NKAIN3: variants seen among roughly 807,000 people sequenced by gnomAD.
NKAIN3 encodes sodium/potassium transporting ATPase interacting 3, also known as sodium/potassium-transporting ATPase subunit beta-1-interacting protein 3.
NKAIN3 carries 25 observed loss-of-function variants against 30.2 expected under a neutral mutation model. The observed-to-expected ratio is 0.83, with a 90% CI of 0.60 to 1.16. The LOEUF is 1.16. Ranked by LOEUF, NKAIN3 falls within the 50% of genes most tolerant of loss-of-function variation. The probability of loss-of-function intolerance (pLI) is 0.00; values close to 1 mark genes in which losing one functional copy is unlikely to be tolerated. For missense variants in NKAIN3, 225 were observed against 254.1 expected (o/e 0.89, Z 0.78); for synonymous variants, 91 against 89.6 (o/e 1.02, Z -0.09).
intron 3 of NKAIN3, among the ~76,000 whole-genome samples, chr8:62,671,442 C>T (rs1015203912): frequency 2.0e-5 from 3 of 151,994 alleles, no homozygotes; most frequent in African/African-American, 7.2e-5. Flanking sequence ...CAGAAAGTTG[C>T]TTAAAGTGTT....
chr8:62,762,718 G>T (rs1388827102), intron 4 of NKAIN3, among the ~76,000 whole-genome samples: 2 of 152,010 alleles, frequency 1.3e-5, no homozygotes, highest in African/African-American at 4.8e-5. Context: ...AAGAGGAAGT[G>T]GTATGTTAGG....
intron 1 of NKAIN3, among the ~76,000 whole-genome samples, chr8:62,576,108 A>G (rs1030837154): frequency 2.8e-4 from 42 of 152,204 alleles, no homozygotes; most frequent in African/African-American, 9.6e-4. Flanking sequence ...CCAAAAATTG[A>G]CAAATGGGAT....
rs1817852291 is a variant in NKAIN3 at position 62,796,117 on chromosome 8, C to T, written c.471+48988C>T. The stretch of plus-strand genomic sequence containing the variant: ...GTCAGCAGTAGGCCAGGCAGGGTGG[C>T]TCACACCTGTAATCCCAGCACTTTC... On this transcript the variant is annotated intron_variant, in intron 4 of 6. Transcript: ENST00000623646. Among the ~76,000 whole-genome samples the T allele has an allele frequency of 2.0e-5, 3 of 152,172 alleles. No homozygotes were observed. In the South Asian group the frequency reaches 6.2e-4, roughly 32 times the overall value.
At chr8:62,625,024 C>G (rs906135793) in intron 3 of NKAIN3, among the ~76,000 whole-genome samples, 1 of 152,018 alleles carries the variant, frequency 6.6e-6, no homozygotes, top group African/African-American at 2.4e-5. Context: ...TTCCATTAAG[C>G]CCTTAGCATA....
intron 4 of NKAIN3, among the ~76,000 whole-genome samples, chr8:62,918,077 T>G (rs4535733): frequency 6.6e-6 from 1 of 152,242 alleles, no homozygotes; most frequent in South Asian, 2.1e-4. Context: ...GCTTTTAAAC[T>G]TTAAAATAGT....
At chr8:62,946,952 G>T (rs545229398) in intron 5 of NKAIN3, among the ~76,000 whole-genome samples, 3 of 152,258 alleles carry the variant, frequency 2.0e-5, no homozygotes, top group African/African-American at 7.2e-5. Context: ...TTAATTATTT[G>T]CTGAATATAG....
intron 2 of NKAIN3, among the ~76,000 whole-genome samples, chr8:62,585,415 C>T (rs563160318): frequency 1.3e-5 from 2 of 152,270 alleles, no homozygotes; most frequent in Admixed American, 1.3e-4. Context: ...CTCCTTTACT[C>T]ATGAAAGTAT....
chr8:62,784,279 T>C lies in NKAIN3; in HGVS notation c.471+37150T>C, dbSNP rs116176742. 3.2e-3 allele frequency among the ~76,000 whole-genome samples: 477 copies of C among 151,022 alleles called. 1 individual carries two copies. The highest frequency in any genetic ancestry group is 0.01 in the African/African-American group (422 of 41,134). On this transcript the variant is annotated intron_variant, in intron 4 of 6. Coordinates refer to ENST00000623646, the MANE Select transcript of NKAIN3 (RefSeq NM_001304533.3). Reference sequence around the variant, plus strand: ...GCAGAAGTAAAGAAATAATAAAGAGTAAAGCAAAAACTAATAAAATAAAAA... The same window carrying C: ...GCAGAAGTAAAGAAATAATAAAGAGCAAAGCAAAAACTAATAAAATAAAAA...
At chr8:62,433,942 C>T (rs771498605) in intron 1 of NKAIN3, among the ~76,000 whole-genome samples, 1 of 152,084 alleles carries the variant, frequency 6.6e-6, no homozygotes, top group African/African-American at 2.4e-5. Context: ...TCAGTCCATC[C>T]ATCCACCATA....
At chr8:62,863,068 T>C (rs1820303187) in intron 4 of NKAIN3, 3 of 1,004,268 alleles carry the variant, frequency 3.0e-6, no homozygotes, top group Non-Finnish European at 4.6e-6. Context: ...TGATCCTCTG[T>C]ATCATATATC....
At chr8:62,908,363 A>T (rs2085253) in intron 4 of NKAIN3, among the ~76,000 whole-genome samples, 13,784 of 152,200 alleles carry the variant, frequency 0.091, 655 homozygotes, top group South Asian at 0.15. Flanking sequence ...TTTTTGAGTT[A>T]ATGCTGAAAT....
intron 1 of NKAIN3, among the ~76,000 whole-genome samples, chr8:62,293,566 G>A (rs575441867): frequency 6.6e-6 from 1 of 152,280 alleles, no homozygotes; most frequent in East Asian, 1.9e-4. Context: ...TTGCAGAATG[G>A]CAAATGTTGC....
chr8:62,579,736 T>G, intron 2 of NKAIN3, 60 bp downstream of exon 2: 1 of 1,002,562 alleles, frequency 1.0e-6, no homozygotes, highest in East Asian at 3.2e-5. Context: ...TATAAGAATA[T>G]AAATAAAATA....
chr8:62,672,381 A>G (rs954093133), intron 3 of NKAIN3, among the ~76,000 whole-genome samples: 1 of 152,238 alleles, frequency 6.6e-6, no homozygotes, highest in African/African-American at 2.4e-5. Context: ...AATCCTCACT[A>G]ACAGGACTTA....
rs74736354 is a variant in NKAIN3, at chr8:62,938,284, C to T, written c.533-15618C>T. Reference sequence around the variant, plus strand: ...GAAAGCATCACCTCCTGGCTGGAGGCTAACCAACTCAAACCATAAAAGAAC... The same window carrying T: ...GAAAGCATCACCTCCTGGCTGGAGGTTAACCAACTCAAACCATAAAAGAAC... On this transcript the variant is annotated intron_variant, in intron 5 of 6. Coordinates refer to ENST00000623646, the MANE Select transcript of NKAIN3 (RefSeq NM_001304533.3). Among the ~76,000 whole-genome samples, 163 of 152,150 alleles carry T rather than the reference C, an allele frequency of 1.1e-3. 1 individual carries two copies. The highest frequency in any genetic ancestry group is 7.6e-3 in the East Asian group (39 of 5,150).
chr8:62,937,834 G>C (rs536289286), intron 5 of NKAIN3, among the ~76,000 whole-genome samples: 2 of 152,058 alleles, frequency 1.3e-5, no homozygotes, highest in Non-Finnish European at 2.9e-5. Flanking sequence ...TACTGGTTGC[G>C]TGGAAATAAA....
intron 1 of NKAIN3, among the ~76,000 whole-genome samples, chr8:62,437,154 G>GA (rs1341561401): frequency 8.4e-6 from 1 of 119,284 alleles, no homozygotes; most frequent in Non-Finnish European, 2.1e-5. Context: ...AGGTAGAATA[G>GA]ATTTTTTTTG....
At chr8:62,440,435 G>A (rs1805289367) in intron 1 of NKAIN3, among the ~76,000 whole-genome samples, 4 of 152,126 alleles carry the variant, frequency 2.6e-5, no homozygotes, top group Admixed American at 2.6e-4. Flanking sequence ...TAGCACGTAT[G>A]TCACTTTTCC....
chr8:62,344,978 T>C (rs184075545), intron 1 of NKAIN3: 14 of 256,318 alleles, frequency 5.5e-5, no homozygotes, highest in Admixed American at 4.8e-4. Context: ...TCATTTTCTT[T>C]CATCAGTGTT....
Sources: allele counts gnomAD v4.1 joint callset (sites outside exome capture counted in the v4.1 genomes callset), GRCh38; gene constraint gnomAD v4.1.1; transcripts MANE v1.5; gene names NCBI Gene and HGNC (gene_info 2026-07-23, HGNC 2026-07-21).